LINGO2: variants seen among roughly 807,000 people sequenced by gnomAD.
The protein encoded by LINGO2 is leucine-rich repeat and immunoglobulin-like domain-containing nogo receptor-interacting protein 2.
LINGO2 carries 14 observed loss-of-function variants against 30.6 expected under a neutral mutation model. The observed-to-expected ratio is 0.46, with a 90% CI of 0.30 to 0.72. The LOEUF is 0.72. Ranked by LOEUF, LINGO2 falls within the 30% of genes least tolerant of loss-of-function variation. The pLI, the probability that LINGO2 is intolerant of heterozygous loss-of-function variation, is 0.07. For synonymous variants in LINGO2, 317 were observed against 288.5 expected (o/e 1.10, Z -1.00); for missense variants, 729 against 751.7 (o/e 0.97, Z 0.35).
chr9:28,367,296 A>G (rs1208422331), intron 3 of LINGO2, among the ~76,000 whole-genome samples: 1 of 152,180 alleles, frequency 6.6e-6, no homozygotes, highest in Non-Finnish European at 1.5e-5. Flanking sequence ...TTCTCTTAAT[A>G]TGTGTGAACA....
intron 3 of LINGO2, among the ~76,000 whole-genome samples, chr9:28,337,257 T>G (rs1289967069): frequency 1.3e-5 from 2 of 151,768 alleles, no homozygotes; most frequent in African/African-American, 2.4e-5. Flanking sequence ...AGGTAATTGC[T>G]AGGTTGTGGT....
the LINGO2 span, among the ~76,000 whole-genome samples, chr9:28,720,094 T>A: frequency 6.6e-6 from 1 of 152,060 alleles, no homozygotes; most frequent in South Asian, 2.1e-4. Flanking sequence ...AAATACAAAT[T>A]GCATTGTGTC....
intron 4 of LINGO2, among the ~76,000 whole-genome samples, chr9:28,079,748 A>G (rs1176107577): frequency 6.6e-6 from 1 of 152,176 alleles, no homozygotes; most frequent in Admixed American, 6.5e-5. Context: ...TGCCATCTGC[A>G]TGGTGGAAAC....
the LINGO2 span, among the ~76,000 whole-genome samples, chr9:29,167,928 C>T: frequency 2.0e-5 from 3 of 152,034 alleles, no homozygotes; most frequent in Non-Finnish European, 2.9e-5. Context: ...ACTCCACAGT[C>T]GTTAGCTACT....
At chr9:28,351,849 T>C (rs375748886) in intron 3 of LINGO2, among the ~76,000 whole-genome samples, 10 of 149,428 alleles carry the variant, frequency 6.7e-5, no homozygotes, top group Admixed American at 6.7e-5. Context: ...GTTCAATATA[T>C]GCAAATCAAT....
chr9:28,011,329 C>G (rs1039137913), intron 5 of LINGO2, among the ~76,000 whole-genome samples: 3 of 152,056 alleles, frequency 2.0e-5, no homozygotes, highest in Non-Finnish European at 4.4e-5. Context: ...TGAGACAGGC[C>G]TGGATATTTG....
the LINGO2 span, among the ~76,000 whole-genome samples, chr9:28,760,669 C>T: frequency 4.0e-5 from 6 of 151,658 alleles, no homozygotes; most frequent in African/African-American, 1.5e-4. Context: ...CTCTTCCCCT[C>T]AAGTCCCCAA....
At chr9:28,321,030 GATGA>G (rs1179779839) in intron 3 of LINGO2, among the ~76,000 whole-genome samples, 1 of 151,450 alleles carries the variant, frequency 6.6e-6, no homozygotes, top group African/African-American at 2.4e-5. Flanking sequence ...CATTTCTTAG[GATGA>G]ATAAGTTACT....
chr9:28,704,167 T>A, the LINGO2 span, among the ~76,000 whole-genome samples: 1 of 148,012 alleles, frequency 6.8e-6, no homozygotes, highest in Non-Finnish European at 1.5e-5. Flanking sequence ...GTCTAAGAAA[T>A]CTTCCTTTTA....
chr9:28,948,408 G>T, the LINGO2 span, among the ~76,000 whole-genome samples: 9 of 151,878 alleles, frequency 5.9e-5, no homozygotes, highest in Non-Finnish European at 1.3e-4. Context: ...TTCTAGTCTT[G>T]ATAATTTTGC....
At chr9:28,069,248 G>A (rs531472127) in intron 4 of LINGO2, among the ~76,000 whole-genome samples, 10 of 152,230 alleles carry the variant, frequency 6.6e-5, no homozygotes, top group African/African-American at 1.9e-4. Flanking sequence ...GTTCCCTGAG[G>A]TAGAGTTTGT....
At chr9:28,123,605 T>A (rs1288707037) in intron 4 of LINGO2, among the ~76,000 whole-genome samples, 3 of 152,164 alleles carry the variant, frequency 2.0e-5, no homozygotes, top group Non-Finnish European at 4.4e-5. Context: ...GCCTTCTGAC[T>A]AAAATTAAAC....
rs369469417 is a variant in LINGO2, at chr9:28,647,546, G to T, written c.-365+22654C>A. On this transcript the variant is annotated intron_variant, in intron 1 of 5. Transcript: ENST00000379992. Reference sequence around the variant, plus strand: ...CTACTACCTCCCAATAGCAGAAAATGACATATTTTTTCCTGGATCTATACT... The same window carrying T: ...CTACTACCTCCCAATAGCAGAAAATTACATATTTTTTCCTGGATCTATACT... Among the ~76,000 whole-genome samples the T allele has an allele frequency of 1.4e-4, 22 of 152,070 alleles. No homozygotes were observed. The South Asian group carries it at 4.6e-3, about 32-fold the overall frequency.
intron 4 of LINGO2, among the ~76,000 whole-genome samples, chr9:28,075,353 A>G (rs1165033439): frequency 2.0e-5 from 3 of 151,938 alleles, no homozygotes; most frequent in Non-Finnish European, 4.4e-5. Context: ...TATCCATACT[A>G]TTGTTGATAG....
At chr9:28,553,734 A>C (rs1162760326) in intron 1 of LINGO2, among the ~76,000 whole-genome samples, 1 of 151,920 alleles carries the variant, frequency 6.6e-6, no homozygotes, top group Non-Finnish European at 1.5e-5. Context: ...AAAAATGTTA[A>C]GGGCAGCCAG....
At chr9:28,434,180 T>C (rs1363106771) in intron 2 of LINGO2, among the ~76,000 whole-genome samples, 2 of 151,618 alleles carry the variant, frequency 1.3e-5, no homozygotes, top group East Asian at 1.9e-4. Flanking sequence ...AATGATATAA[T>C]GGACTTTTGG....
At chr9:28,694,125 T>C in the LINGO2 span, among the ~76,000 whole-genome samples, 1 of 150,146 alleles carries the variant, frequency 6.7e-6, no homozygotes, top group African/African-American at 2.4e-5. Context: ...TACATGGTTT[T>C]CAAAAAAAAA....
At chr9:28,124,496 C>T (rs973721775) in intron 4 of LINGO2, among the ~76,000 whole-genome samples, 1 of 152,222 alleles carries the variant, frequency 6.6e-6, no homozygotes, top group African/African-American at 2.4e-5. Flanking sequence ...CATCTGTACA[C>T]TCCTATTAAA....
At chr9:29,106,590 T>C in the LINGO2 span, among the ~76,000 whole-genome samples, 1 of 152,206 alleles carries the variant, frequency 6.6e-6, no homozygotes, top group African/African-American at 2.4e-5. Flanking sequence ...TCTCAGATGT[T>C]AAACATGTAT....
Sources: gnomAD v4.1 joint callset for allele counts (sites outside exome capture counted in the v4.1 genomes callset) on GRCh38, gnomAD v4.1.1 for gene constraint, MANE v1.5 for transcripts, NCBI Gene and HGNC (gene_info 2026-07-23, HGNC 2026-07-21) for gene names.